WDR59: variants seen among roughly 807,000 people sequenced by gnomAD.
The protein encoded by WDR59 is WD repeat domain 59, also known as GATOR2 complex protein WDR59.
A neutral mutation model predicts 131.2 loss-of-function variants in WDR59; 100 were observed. That is an observed-to-expected ratio of 0.76 (90% CI 0.65 to 0.90). The LOEUF (loss-of-function observed/expected upper bound fraction) is 0.90, where lower values mean the gene tolerates loss of function less well. Ranked by LOEUF, WDR59 falls within the 40% of genes least tolerant of loss-of-function variation. The pLI is 0.00. For synonymous variants in WDR59, 601 were observed against 466.2 expected (o/e 1.29, Z -3.72); for missense variants, 1,203 against 1,262.2 (o/e 0.95, Z 0.71).
In WDR59 at chr16:74,893,824, T is replaced by C. The variant is rs1965160153; in HGVS notation, c.1867-12A>G. The C allele has an allele frequency of 6.2e-7, 1 of 1,613,848 alleles. No homozygotes were observed. ...CATCGTCTTGATTTCTAGGGGTAGA[T>C]GACAGGATGTAACTAATGGGGACTT... On this transcript the variant is annotated splice_polypyrimidine_tract_variant and intron_variant, in intron 18 of 25. Coordinates refer to ENST00000262144, the MANE Select transcript of WDR59 (RefSeq NM_030581.4).
At chr16:74,915,142 CCAGCACAGCA>C (rs997206973) in intron 13 of WDR59, among the ~76,000 whole-genome samples, 9 of 152,122 alleles carry the variant, frequency 5.9e-5, no homozygotes, top group Admixed American at 3.9e-4. Flanking sequence ...ATGGCACAGC[CCAGCACAGCA>C]CAGCACAGCA....
rs540395911 is a variant in WDR59, at chr16:74,880,949, A to T, written c.2689+4704T>A. On this transcript the variant is annotated intron_variant, in intron 25 of 25. Transcript: ENST00000262144. ...GGCCAAATAAATAAGACGTTAAATG[A>T]ATATACTGAACCAGTAAACTGTTGA... 2.4e-3 allele frequency among the ~76,000 whole-genome samples: 372 copies of T among 152,346 alleles called. 1 individual carries two copies. Among genetic ancestry groups the T allele is most frequent in the African/African-American group, 7.3e-3 (304 of 41,576 alleles).
chr16:74,899,744 CGAG>C, intron 18 of WDR59: 1 of 1,288,904 alleles, frequency 7.8e-7, no homozygotes, highest in Non-Finnish European at 1.0e-6. Context: ...CCGGGCAGAG[CGAG>C]GAGACATCTG....
At chr16:74,976,641 C>T (rs529597001) in intron 1 of WDR59, among the ~76,000 whole-genome samples, 3 of 152,210 alleles carry the variant, frequency 2.0e-5, no homozygotes, top group Admixed American at 6.6e-5. Flanking sequence ...CAGGGTTTCA[C>T]TGTGTTAGCC....
At chr16:74,875,125 G>A (rs927409852) in intron 25 of WDR59, among the ~76,000 whole-genome samples, 1 of 152,214 alleles carries the variant, frequency 6.6e-6, no homozygotes, top group Non-Finnish European at 1.5e-5. Flanking sequence ...CTTCAGCAGA[G>A]GGCAGACTGG....
chr16:74,938,231 G>A lies in WDR59; in HGVS notation c.570C>T (p.His190=). 1 of 1,566,580 alleles carries A rather than the reference G, an allele frequency of 6.4e-7. No homozygotes were observed. The highest frequency in any genetic ancestry group is 8.7e-7 in the Non-Finnish European group (1 of 1,155,890). Residue 190 remains histidine, a synonymous_variant, in exon 8 of 26, where the codon CAC becomes CAT. Transcript: ENST00000262144. ...PSTAVEYLAA[H]LSKIHGLDWH... ...AGTCCAGGCCATGGATTTTGGAGAG[G>A]TGGGCGGCTAGATATTCCACTGCTG...
intron 1 of WDR59, among the ~76,000 whole-genome samples, chr16:74,979,276 AAC>A (rs2034305181): frequency 6.6e-6 from 1 of 151,640 alleles, no homozygotes; most frequent in Admixed American, 6.6e-5. Flanking sequence ...AATCCTGGCT[AAC>A]ACAGTGAAAC....
intron 7 of WDR59, among the ~76,000 whole-genome samples, chr16:74,942,104 T>G (rs2032277980): frequency 6.6e-6 from 1 of 152,002 alleles, no homozygotes. Flanking sequence ...GCCAACACAA[T>G]CAACTTCAGT....
At chr16:74,951,694 A>G (rs1364250194) in intron 3 of WDR59, 151 bp from the exon 4 acceptor site, 11 of 675,824 alleles carry the variant, frequency 1.6e-5, no homozygotes, top group Non-Finnish European at 2.6e-5. Flanking sequence ...CATCAGGAAT[A>G]AGTACAATTA....
At chr16:74,981,664 T>A (rs2034433243) in intron 1 of WDR59, among the ~76,000 whole-genome samples, 3 of 55,410 alleles carry the variant, frequency 5.4e-5, no homozygotes, top group African/African-American at 2.4e-4. Context: ...ATATATATTT[T>A]TTTTTTTTTT....
intron 2 of WDR59, among the ~76,000 whole-genome samples, chr16:74,964,861 G>A (rs376050816): frequency 7.7e-4 from 117 of 152,024 alleles, no homozygotes; most frequent in African/African-American, 2.4e-3. Flanking sequence ...TCAGGAGTTC[G>A]AGGTCAGCCT....
At position 74,910,288 on chromosome 16, in the gene WDR59, A is replaced by C. The variant is rs569957202; in HGVS notation, c.1390-371T>G. Reference sequence around the variant, plus strand: ...CGGCCCTGATTGGCTTTTCTTCTGCAAAGTGGTCAGACACAAGGGTGATGC... The same window carrying C: ...CGGCCCTGATTGGCTTTTCTTCTGCCAAGTGGTCAGACACAAGGGTGATGC... On this transcript the variant is annotated intron_variant, in intron 14 of 25. Transcript: ENST00000262144. Among the ~76,000 whole-genome samples, 6 of 152,204 alleles carry C rather than the reference A, an allele frequency of 3.9e-5. No individual in the cohort carries two copies. The South Asian group carries it at 1.0e-3, about 26-fold the overall frequency.
chr16:74,948,412 T>G (rs1597780132), intron 6 of WDR59, 107 bp downstream of exon 6: 1 of 1,058,278 alleles, frequency 9.4e-7, no homozygotes, highest in South Asian at 1.3e-5. Flanking sequence ...ACAGAGGCAG[T>G]TAGAGAGGGA....
chr16:74,965,120 G>A (rs374537512), intron 2 of WDR59, among the ~76,000 whole-genome samples: 1 of 152,136 alleles, frequency 6.6e-6, no homozygotes, highest in Non-Finnish European at 1.5e-5. Flanking sequence ...GCCCAGGCTG[G>A]TCTTGAACTC....
At chr16:74,973,110 G>A (rs924255762) in intron 1 of WDR59, among the ~76,000 whole-genome samples, 2 of 151,924 alleles carry the variant, frequency 1.3e-5, no homozygotes, top group South Asian at 2.1e-4. Context: ...GTGTTGTGGC[G>A]CATGCTTGTA....
intron 1 of WDR59, among the ~76,000 whole-genome samples, chr16:74,975,856 G>GA (rs894277596): frequency 0.015 from 2,138 of 147,052 alleles, 46 homozygotes; most frequent in African/African-American, 0.048. Context: ...AAATTTTCTA[G>GA]AAAAAAAAAA....
At chr16:74,981,812 T>C (rs2034441650) in intron 1 of WDR59, among the ~76,000 whole-genome samples, 1 of 142,714 alleles carries the variant, frequency 7.0e-6, no homozygotes, top group Non-Finnish European at 1.5e-5. Flanking sequence ...CATGCCACTA[T>C]GGTCGGCTAA....
At chr16:74,926,618 T>C (rs769390925) in intron 8 of WDR59, among the ~76,000 whole-genome samples, 3 of 152,152 alleles carry the variant, frequency 2.0e-5, no homozygotes, top group Non-Finnish European at 2.9e-5. Flanking sequence ...TTTAGAGACT[T>C]AATAAAGTAT....
intron 22 of WDR59, 86 bp downstream of exon 22, chr16:74,888,083 A>C (rs112550284): frequency 1.1e-5 from 16 of 1,455,938 alleles, no homozygotes; most frequent in Middle Eastern, 1.9e-4. Context: ...ATGCCATTGC[A>C]CTCCAGCCTG....
Sources: gnomAD v4.1 joint callset for allele counts (sites outside exome capture counted in the v4.1 genomes callset) on GRCh38, gnomAD v4.1.1 for gene constraint, MANE v1.5 for transcripts, NCBI Gene and HGNC (gene_info 2026-07-23, HGNC 2026-07-21) for gene names.